NT5E: variants seen among roughly 807,000 people sequenced by gnomAD.
NT5E encodes 5'-nucleotidase ecto, also known as 5'-nucleotidase.
NT5E carries 53 observed loss-of-function variants against 55.1 expected under a neutral mutation model. That is an observed-to-expected ratio of 0.96 (90% CI 0.77 to 1.21). The LOEUF (loss-of-function observed/expected upper bound fraction) is 1.21. Ranked by LOEUF, NT5E falls within the 50% of genes most tolerant of loss-of-function variation. The pLI is 0.00. For synonymous variants in NT5E, 270 were observed against 278.4 expected, an observed-to-expected ratio of 0.97 and a Z score of 0.30; for missense variants, 683 against 724.3, an observed-to-expected ratio of 0.94 and a Z score of 0.65.
intron 3 of NT5E, among the ~76,000 whole-genome samples, chr6:85,477,435 A>T (rs180867406): frequency 6.6e-6 from 1 of 152,300 alleles, no homozygotes. Context: ...TAAAGAAATA[A>T]TTTTAATGAC....
intron 5 of NT5E, 83 bp from the exon 6 acceptor site, chr6:85,489,411 C>A: frequency 1.1e-6 from 1 of 944,102 alleles, no homozygotes; most frequent in Non-Finnish European, 1.7e-6. Context: ...TTTATTTCCT[C>A]ACTAGAGCTA....
In NT5E at chr6:85,450,890, A is replaced by G. The variant is rs1026203811; in HGVS notation, c.339+412A>G. On this transcript the variant is annotated intron_variant, in intron 1 of 8. Coordinates refer to ENST00000257770, the MANE Select transcript of NT5E (RefSeq NM_002526.4). The surrounding 1 kb of genome is among the most constrained non-coding windows in gnomAD (Gnocchi z 4.0). ...AATGCTTTATCTCAATCTTATTGAA[A>G]GGGAAACCGCGTCGAAGAAGCTGAA... Among the ~76,000 whole-genome samples the G allele has an allele frequency of 2.6e-5, 4 of 152,230 alleles. No individual in the cohort carries two copies. The highest frequency in any genetic ancestry group is 2.0e-4 in the Admixed American group (3 of 15,284).
In NT5E at chr6:85,450,256, C is replaced by A; in HGVS notation, c.117C>A (p.Ser39Arg). ...LTILHTNDVHSRLEQTSEDSS... is the reference protein window; with the variant it reads ...LTILHTNDVHRRLEQTSEDSS... ...TTTTGCACACCAACGACGTGCACAGCCGGCTGGAGCAGACCAGCGAGGACT... is the reference window on the plus strand; with the variant it reads ...TTTTGCACACCAACGACGTGCACAGACGGCTGGAGCAGACCAGCGAGGACT... Residue 39 changes from serine to arginine, a missense_variant, in exon 1 of 9, where the codon AGC (serine) becomes AGA (arginine). Ser to Arg is a moderately radical substitution (Grantham distance 110). Transcript: ENST00000257770. The surrounding 1 kb of genome is among the most constrained non-coding windows in gnomAD (Gnocchi z 4.0). 1 of 1,609,280 alleles carries A rather than the reference C, an allele frequency of 6.2e-7. No homozygotes were observed. Among genetic ancestry groups the A allele is most frequent in the Non-Finnish European group, 8.5e-7 (1 of 1,178,772 alleles).
intron 5 of NT5E, 77 bp from the exon 6 acceptor site, chr6:85,489,417 A>C: frequency 3.0e-6 from 3 of 1,004,188 alleles, no homozygotes; most frequent in Non-Finnish European, 4.8e-6. Flanking sequence ...TCCTCACTAG[A>C]GCTAACCAGA....
rs879117293 is a variant in NT5E at position 85,450,596 on chromosome 6, GA to G, written c.339+119del. 3 of 922,614 alleles carry G rather than the reference GA, an allele frequency of 3.3e-6. No individual in the cohort carries two copies. The South Asian group carries it at 4.2e-5, about 13-fold the overall frequency. 57.2% of individuals were successfully genotyped at this position (922,614 alleles called of 1,614,324 possible). A position where few individuals can be genotyped will look rare whatever the true frequency, so the allele number is the denominator to read the frequency against. ...GGTCCAGGGCGCGGAGAGATGTGGG[GA>G]TAAAGTGAGACTCCGGCCAGTGTGC... On this transcript the variant is annotated intron_variant, in intron 1 of 8. Transcript: ENST00000257770. The surrounding 1 kb of genome is among the most constrained non-coding windows in gnomAD (Gnocchi z 4.0).
chr6:85,453,826 T>C (rs1010822405), intron 1 of NT5E, among the ~76,000 whole-genome samples: 2 of 152,206 alleles, frequency 1.3e-5, no homozygotes, highest in African/African-American at 4.8e-5. Flanking sequence ...GTCAGATAGA[T>C]GGTCCTTTGT....
At chr6:85,463,040 T>C (rs1769124413) in intron 1 of NT5E, among the ~76,000 whole-genome samples, 1 of 152,208 alleles carries the variant, frequency 6.6e-6, no homozygotes, top group Admixed American at 6.5e-5. Flanking sequence ...TCTGTGTGAG[T>C]GTGGAAAGTT....
chr6:85,491,699 GA>G (rs1214941617), intron 7 of NT5E, among the ~76,000 whole-genome samples: 1 of 152,166 alleles, frequency 6.6e-6, no homozygotes, highest in African/African-American at 2.4e-5. Flanking sequence ...CATTTTAAGG[GA>G]AAAACAGAAA....
chr6:85,472,815 A>G (rs1045081044), intron 3 of NT5E, among the ~76,000 whole-genome samples: 1 of 152,222 alleles, frequency 6.6e-6, no homozygotes, highest in Non-Finnish European at 1.5e-5. Flanking sequence ...CAGATATTTT[A>G]CTTCTTGGTA....
chr6:85,489,671 C>A, intron 6 of NT5E, 72 bp downstream of exon 6: 7 of 1,087,446 alleles, frequency 6.4e-6, no homozygotes, highest in Non-Finnish European at 9.8e-6. Context: ...ATGGTTCTTG[C>A]CCTGAACACA....
chr6:85,489,600 G>GT lies in NT5E; in HGVS notation c.1210+2dup. 1 of 1,606,576 alleles carries GT rather than the reference G, an allele frequency of 6.2e-7. No individual in the cohort carries two copies. The highest frequency in any genetic ancestry group is 8.5e-7 in the Non-Finnish European group (1 of 1,173,548). Reference sequence around the variant, plus strand: ...TCGCCCATTGATGAACGCAACAATGGTATGCTCCCAGGCCCAGCTCCTCAG... The same window carrying GT: ...TCGCCCATTGATGAACGCAACAATGGTTATGCTCCCAGGCCCAGCTCCTCAG... On this transcript the variant is annotated splice_donor_variant, in intron 6 of 8. Transcript: ENST00000257770. LOFTEE classifies it high-confidence loss of function.
At chr6:85,461,308 A>G (rs555766471) in intron 1 of NT5E, among the ~76,000 whole-genome samples, 2 of 152,338 alleles carry the variant, frequency 1.3e-5, no homozygotes, top group South Asian at 2.1e-4. Context: ...TTGTAATGGA[A>G]AAAAGGTTAC....
At chr6:85,491,951 T>C (rs1769793874) in intron 7 of NT5E, 26 bp from the exon 8 acceptor site, 7 of 1,607,212 alleles carry the variant, frequency 4.4e-6, no homozygotes, top group Non-Finnish European at 6.0e-6. Flanking sequence ...TTGGATCTGG[T>C]GAAAACAGAT....
At chr6:85,461,814 G>A (rs1039044932) in intron 1 of NT5E, among the ~76,000 whole-genome samples, 1 of 152,068 alleles carries the variant, frequency 6.6e-6, no homozygotes, top group African/African-American at 2.4e-5. Flanking sequence ...TCTCTCTTCT[G>A]TTTCAAGAGA....
In NT5E at chr6:85,450,116, GCACC is replaced by G. The variant is rs1420860813; in HGVS notation, c.-21_-18del. On this transcript the variant is annotated 5_prime_UTR_variant, in exon 1 of 9. Transcript: ENST00000257770. This position sits in a 1 kb window ranked among gnomAD's most constrained non-coding sequence, Gnocchi z 4.0. ...GCACTCGCCCGGCTCGCCCGCTTTC[GCACC>G]CAGTTCACGCGCCACAGCTATGTGT... is the stretch of plus-strand genomic sequence containing the variant. 6.5e-7 allele frequency: 1 copy of G among 1,540,176 alleles called. No individual in the cohort carries two copies. The highest frequency in any genetic ancestry group is 1.4e-5 in the African/African-American group (1 of 73,104).
Position 85,492,123 on chromosome 6 carries a change from A to C in NT5E, c.1507A>C (p.Asn503His), listed in dbSNP as rs768382526. 11 of 1,614,206 alleles carry C rather than the reference A, an allele frequency of 6.8e-6. No individual in the cohort carries two copies. Among genetic ancestry groups the C allele is most frequent in the Middle Eastern group, 3.3e-4 (2 of 6,062 alleles). Reference protein sequence around the residue: ...YKVILPNFLANGGDGFQMIKD... With the variant: ...YKVILPNFLAHGGDGFQMIKD... The stretch of plus-strand genomic sequence containing the variant: ...GGTGATCCTCCCAAACTTCCTGGCC[A>C]ATGGTGGAGATGGGTTCCAGATGAT... Residue 503 changes from asparagine (N) to histidine (H), a missense_variant, in exon 8 of 9, where the codon AAT becomes CAT. Coordinates refer to ENST00000257770, the MANE Select transcript of NT5E (RefSeq NM_002526.4).
chr6:85,460,645 G>GT (rs577062939), intron 1 of NT5E, among the ~76,000 whole-genome samples: 13 of 151,300 alleles, frequency 8.6e-5, no homozygotes, highest in African/African-American at 1.5e-4. Flanking sequence ...CAACTTCTAT[G>GT]TTTTTTTTTC....
chr6:85,462,742 A>G (rs924959771), intron 1 of NT5E, among the ~76,000 whole-genome samples: 16 of 152,364 alleles, frequency 1.1e-4, no homozygotes, highest in African/African-American at 3.6e-4. Context: ...TGCGTGAACC[A>G]TTAAAACTTT....
intron 1 of NT5E, among the ~76,000 whole-genome samples, chr6:85,465,248 A>G (rs1352080726): frequency 6.6e-6 from 1 of 152,146 alleles, no homozygotes; most frequent in Non-Finnish European, 1.5e-5. Flanking sequence ...ATAAATGAAA[A>G]CTATAACTTC....
Sources: allele counts gnomAD v4.1 joint callset (sites outside exome capture counted in the v4.1 genomes callset), GRCh38; gene constraint gnomAD v4.1.1; non-coding constraint Gnocchi (gnomAD v3.1); transcripts MANE v1.5; gene names NCBI Gene and HGNC (gene_info 2026-07-23, HGNC 2026-07-21).